MIER3: variants seen among roughly 807,000 people sequenced by gnomAD.
MIER3 encodes MIER family member 3.
Under a neutral mutation model 63.2 loss-of-function variants are expected in MIER3, and 9 were observed. The observed-to-expected ratio is 0.14, with a 90% confidence interval of 0.09 to 0.25. The LOEUF is 0.25. MIER3 is among the 10% of genes least tolerant of loss of function. The probability of loss-of-function intolerance (pLI) is 1.00; values close to 1 mark genes in which losing one functional copy is unlikely to be tolerated. For synonymous variants in MIER3, 205 were observed against 224.9 expected (o/e 0.91, Z 0.79); for missense variants, 512 against 666.2 (o/e 0.77, Z 2.55).
intron 2 of MIER3, among the ~76,000 whole-genome samples, chr5:56,948,392 G>A (rs1750899912): frequency 6.6e-6 from 1 of 152,174 alleles, no homozygotes; most frequent in Admixed American, 6.5e-5. Context: ...AGGCCGGGGT[G>A]GTGGCTCATG....
rs1412444468 is a variant in MIER3, at chr5:56,923,072, T to C, written c.*56A>G. 16 of 1,478,858 alleles carry C rather than the reference T, an allele frequency of 1.1e-5. No individual in the cohort carries two copies. In the East Asian group the frequency reaches 2.1e-4, roughly 19 times the overall value. The allele number at this position is 1,478,858 out of a possible 1,614,324, so 91.6% of individuals were successfully genotyped here. ...CCAGTGAAAGACTATGCAAACCTGA[T>C]AGCTCCCCTCAAGTTTACTGGTGCT... On this transcript the variant is annotated 3_prime_UTR_variant, in exon 13 of 13. Coordinates refer to ENST00000381199, the MANE Select transcript of MIER3 (RefSeq NM_001297599.2).
At chr5:56,932,693 C>T (rs1750311817) in intron 8 of MIER3, among the ~76,000 whole-genome samples, 1 of 152,174 alleles carries the variant, frequency 6.6e-6, no homozygotes, top group Non-Finnish European at 1.5e-5. Flanking sequence ...TCTGAATCTA[C>T]AGGTACACAA....
chr5:56,946,496 C>T (rs1550821), intron 3 of MIER3, among the ~76,000 whole-genome samples: 32,523 of 151,962 alleles, frequency 0.21, 3,909 homozygotes, highest in East Asian at 0.4. Flanking sequence ...AAATCTTTTT[C>T]AATTTTCTTA....
chr5:56,940,370 T>C (rs1267492594), intron 3 of MIER3, among the ~76,000 whole-genome samples: 5 of 152,150 alleles, frequency 3.3e-5, no homozygotes. Flanking sequence ...AAGCAGAGTG[T>C]GCAAAACATG....
chr5:56,932,411 A>G (rs1007538480), intron 8 of MIER3, among the ~76,000 whole-genome samples: 3 of 152,240 alleles, frequency 2.0e-5, no homozygotes, highest in Non-Finnish European at 4.4e-5. Flanking sequence ...TAAAGGTTTT[A>G]ATTCTTCTAA....
intron 10 of MIER3, chr5:56,927,762 T>C (rs773099646): frequency 6.6e-6 from 1 of 152,212 alleles, no homozygotes; most frequent in African/African-American, 2.4e-5. Flanking sequence ...CTCTTGATGA[T>C]GTACATTCTA....
At chr5:56,929,835 G>A (rs1280319682) in intron 9 of MIER3, among the ~76,000 whole-genome samples, 2 of 152,152 alleles carry the variant, frequency 1.3e-5, no homozygotes, top group Non-Finnish European at 2.9e-5. Flanking sequence ...TTACTCATCT[G>A]TATCTCTGAA....
chr5:56,923,846 C>A lies in MIER3; in HGVS notation c.1053-13G>T, dbSNP rs751197276. 1 of 1,614,068 alleles carries A rather than the reference C, an allele frequency of 6.2e-7. No individual in the cohort carries two copies. Among genetic ancestry groups the A allele is most frequent in the Non-Finnish European group, 8.5e-7 (1 of 1,179,982 alleles). ...ATCCATATAGTCCCTGAAAAACACACCCCAGTAATTTTATGACTATATATT... is the reference window on the plus strand; with the variant it reads ...ATCCATATAGTCCCTGAAAAACACAACCCAGTAATTTTATGACTATATATT... On this transcript the variant is annotated splice_polypyrimidine_tract_variant and intron_variant, in intron 11 of 12. Coordinates refer to ENST00000381199, the MANE Select transcript of MIER3 (RefSeq NM_001297599.2).
intron 7 of MIER3, 42 bp from the exon 8 acceptor site, chr5:56,933,440 G>A (rs779532744): frequency 5.2e-6 from 8 of 1,534,064 alleles, no homozygotes; most frequent in South Asian, 1.3e-5. Flanking sequence ...AATCATGAAC[G>A]CACTCAAAGA....
At chr5:56,947,482 T>C (rs1750865637) in intron 2 of MIER3, among the ~76,000 whole-genome samples, 1 of 152,184 alleles carries the variant, frequency 6.6e-6, no homozygotes, top group South Asian at 2.1e-4. Flanking sequence ...GAATCGACTA[T>C]ACACTAAGAT....
chr5:56,943,052 G>A (rs1213875573), intron 3 of MIER3, among the ~76,000 whole-genome samples: 1 of 152,100 alleles, frequency 6.6e-6, no homozygotes, highest in East Asian at 1.9e-4. Flanking sequence ...AGCTGAGTGG[G>A]GGAAAACTGC....
chr5:56,952,014 C>T (rs1184880557), intron 1 of MIER3, 80 bp downstream of exon 1: 1 of 1,193,552 alleles, frequency 8.4e-7, no homozygotes, highest in Admixed American at 4.0e-5. Flanking sequence ...CCCCGGATCC[C>T]CCAGGCTGGC....
At chr5:56,925,068 C>T (rs1046131763) in intron 10 of MIER3, among the ~76,000 whole-genome samples, 1 of 152,054 alleles carries the variant, frequency 6.6e-6, no homozygotes, top group African/African-American at 2.4e-5. Context: ...TAACTGTTTA[C>T]GGAATGAATG....
intron 8 of MIER3, among the ~76,000 whole-genome samples, chr5:56,932,989 T>A (rs1430029172): frequency 6.6e-6 from 1 of 152,110 alleles, no homozygotes; most frequent in East Asian, 1.9e-4. Context: ...GATTAATTAA[T>A]TAAAAGGATA....
chr5:56,920,244 G>T lies in MIER3; in HGVS notation c.*2884C>A. ...TAAATTCAGCAGCTGACCATGACAA[G>T]AGGAAAACTAAACATTTAAAAAGCT... On this transcript the variant is annotated 3_prime_UTR_variant, in exon 13 of 13. Coordinates refer to ENST00000381199, the MANE Select transcript of MIER3 (RefSeq NM_001297599.2). 6.6e-6 allele frequency: 1 copy of T among 152,584 alleles called. No individual in the cohort carries two copies. 9.5% of individuals were successfully genotyped at this position (152,584 alleles called of 1,614,324 possible).
chr5:56,928,854 C>G lies in MIER3; in HGVS notation c.837G>C (p.Met279Ile), dbSNP rs1164169479. 6.2e-7 allele frequency: 1 copy of G among 1,609,746 alleles called. No homozygotes were observed. Among genetic ancestry groups the G allele is most frequent in the East Asian group, 2.2e-5 (1 of 44,844 alleles). Reference protein sequence around the residue: ...CCNGKASQEGMTAWTEEECRS... With the variant: ...CCNGKASQEGITAWTEEECRS... ...GGCATTCTTCTTCCGTCCATGCAGTCATTCCTTCTAAGAAAAATTTTAAAA... is the reference window on the plus strand; with the variant it reads ...GGCATTCTTCTTCCGTCCATGCAGTGATTCCTTCTAAGAAAAATTTTAAAA... Residue 279 changes from methionine to isoleucine, a missense_variant, in exon 10 of 13, where the codon ATG (methionine) becomes ATC (isoleucine). Met to Ile is a conservative substitution (Grantham distance 10). Coordinates refer to ENST00000381199, the MANE Select transcript of MIER3 (RefSeq NM_001297599.2).
intron 2 of MIER3, 134 bp downstream of exon 2, chr5:56,950,494 G>T: frequency 1.1e-6 from 1 of 898,672 alleles, no homozygotes; most frequent in Non-Finnish European, 1.7e-6. Context: ...TTTACTAAAT[G>T]CACACTGAAA....
Position 56,928,815 on chromosome 5 carries a change from A to G in MIER3, c.876T>C (p.His292=), listed in dbSNP as rs949628450. 5.6e-6 allele frequency: 9 copies of G among 1,613,884 alleles called. No individual in the cohort carries two copies. In the East Asian group the frequency reaches 6.7e-5, roughly 12 times the overall value. ...AATCTTTTCCAAAAAGCATGAGTGC[A>G]TGTTCAAAGCTTCGGCATTCTTCTT... ...WTEEECRSFE[H]ALMLFGKDFH... The change falls in exon 10 of 13, where the codon CAT becomes CAC. Residue 292 remains histidine (H), a synonymous_variant. Transcript: ENST00000381199.
At chr5:56,949,474 T>C (rs1750943184) in intron 2 of MIER3, among the ~76,000 whole-genome samples, 2 of 152,232 alleles carry the variant, frequency 1.3e-5, no homozygotes, top group South Asian at 4.1e-4. Context: ...TCCAGCTGTT[T>C]GACATCATGT....
Sources: gnomAD v4.1 joint callset for allele counts (sites outside exome capture counted in the v4.1 genomes callset) on GRCh38, gnomAD v4.1.1 for gene constraint, MANE v1.5 for transcripts, NCBI Gene and HGNC (gene_info 2026-07-23, HGNC 2026-07-21) for gene names.